MORN3: variants seen among roughly 807,000 people sequenced by gnomAD.
The protein encoded by MORN3 is MORN repeat-containing protein 3.
Under a neutral mutation model 34.7 loss-of-function variants are expected in MORN3, and 38 were observed. That is an observed-to-expected ratio of 1.10 (90% CI 0.85 to 1.44). The LOEUF (loss-of-function observed/expected upper bound fraction) is 1.44, where lower values mean the gene tolerates loss of function less well. Ranked by LOEUF, MORN3 falls within the 40% of genes most tolerant of loss-of-function variation. The pLI is 0.00. For synonymous variants in MORN3, 109 were observed against 115.3 expected, an observed-to-expected ratio of 0.95 and a Z score of 0.35; for missense variants, 311 against 321.7, an observed-to-expected ratio of 0.97 and a Z score of 0.25.
At chr12:121,660,867 C>G (rs1187562791) in intron 1 of MORN3, among the ~76,000 whole-genome samples, 1 of 151,958 alleles carries the variant, frequency 6.6e-6, no homozygotes, top group Non-Finnish European at 1.5e-5. Context: ...GGGGGTCTCT[C>G]CATGTTGGTC....
At chr12:121,663,777 T>C (rs1393369221) in intron 1 of MORN3, among the ~76,000 whole-genome samples, 1 of 151,822 alleles carries the variant, frequency 6.6e-6, no homozygotes, top group Non-Finnish European at 1.5e-5. Context: ...ATTTTTTTTT[T>C]CCTCTCTCAA....
At chr12:121,656,406 C>T (rs1325506663) in intron 2 of MORN3, among the ~76,000 whole-genome samples, 2 of 152,154 alleles carry the variant, frequency 1.3e-5, no homozygotes, top group African/African-American at 4.8e-5. Context: ...TCACTATAAC[C>T]TCAGCCTCCT....
chr12:121,652,809 C>A lies in MORN3; in HGVS notation c.649-1G>T. The A allele has an allele frequency of 6.2e-7, 1 of 1,614,218 alleles. No individual in the cohort carries two copies. Among genetic ancestry groups the A allele is most frequent in the Non-Finnish European group, 8.5e-7 (1 of 1,180,036 alleles). On this transcript the variant is annotated splice_acceptor_variant, in intron 4 of 5. Coordinates refer to ENST00000355329, the MANE Select transcript of MORN3 (RefSeq NM_173855.5). LOFTEE classifies it high-confidence loss of function. ...CACCATCAGGGTCTAGGATTTTGAC[C>A]TGGAGGGAAATACCAAGAAGTTGGT...
chr12:121,662,062 T>C (rs887344672), intron 1 of MORN3, among the ~76,000 whole-genome samples: 1 of 151,896 alleles, frequency 6.6e-6, no homozygotes, highest in African/African-American at 2.4e-5. Context: ...ATCTAAAAAG[T>C]CAAACTCATA....
intron 2 of MORN3, among the ~76,000 whole-genome samples, chr12:121,657,799 G>A (rs1285175076): frequency 2.0e-5 from 3 of 150,674 alleles, no homozygotes; most frequent in Non-Finnish European, 3.0e-5. Flanking sequence ...CCCAGGAGGC[G>A]GAGGTTGCGG....
chr12:121,657,766 C>A (rs1481005976), intron 2 of MORN3, among the ~76,000 whole-genome samples: 7 of 152,022 alleles, frequency 4.6e-5, no homozygotes, highest in African/African-American at 1.5e-4. Flanking sequence ...ACTCGGGAGA[C>A]TGAGGCAGGA....
At chr12:121,657,834 T>A (rs1555325837) in intron 2 of MORN3, among the ~76,000 whole-genome samples, 1 of 151,934 alleles carries the variant, frequency 6.6e-6, no homozygotes, top group African/African-American at 2.4e-5. Context: ...ACCATTGCAC[T>A]CCAGCGTGGC....
chr12:121,664,549 G>A (rs991936117), intron 1 of MORN3, among the ~76,000 whole-genome samples: 1 of 152,104 alleles, frequency 6.6e-6, no homozygotes, highest in African/African-American at 2.4e-5. Context: ...ACTTGAGGTC[G>A]GGAGTTCGAG....
Position 121,649,789 on chromosome 12 carries a change from A to T in MORN3, c.*1862T>A, listed in dbSNP as rs574840373. ...AATGGCGCAATCTCGGCTCACTGCAACCTCTGCCACCCAGGTTCAAGCAAT... is the reference window on the plus strand; with the variant it reads ...AATGGCGCAATCTCGGCTCACTGCATCCTCTGCCACCCAGGTTCAAGCAAT... On this transcript the variant is annotated 3_prime_UTR_variant, in exon 6 of 6. Coordinates refer to ENST00000355329, the MANE Select transcript of MORN3 (RefSeq NM_173855.5). 1.4e-5 allele frequency: 2 copies of T among 147,824 alleles called. No individual in the cohort carries two copies. Among genetic ancestry groups the T allele is most frequent in the Admixed American group, 1.4e-4 (2 of 14,740 alleles). 9.2% of individuals were successfully genotyped at this position (147,824 alleles called of 1,614,324 possible). A position where few individuals can be genotyped will look rare whatever the true frequency, so the allele number is the denominator to read the frequency against.
At position 121,649,532 on chromosome 12, in the gene MORN3, A is replaced by G. The variant is rs1893201991; in HGVS notation, c.*2119T>C. On this transcript the variant is annotated 3_prime_UTR_variant, in exon 6 of 6. Transcript: ENST00000355329. ...CTAGGGTGGCCAGGCGGGGCTTCCC[A>G]GTGCCAGAGGTACAGACTGAGAACC... 6.6e-6 allele frequency: 1 copy of G among 152,066 alleles called. No individual in the cohort carries two copies. The highest frequency in any genetic ancestry group is 2.4e-5 in the African/African-American group (1 of 41,402). 9.4% of individuals were successfully genotyped at this position (152,066 alleles called of 1,614,324 possible).
intron 1 of MORN3, among the ~76,000 whole-genome samples, chr12:121,662,744 G>GA (rs538350611): frequency 0.068 from 8,159 of 120,528 alleles, 335 homozygotes; most frequent in African/African-American, 0.13. Flanking sequence ...GAGTGAGACT[G>GA]AAAAAAAAAA....
At chr12:121,653,578 C>T (rs1288259004) in intron 3 of MORN3, among the ~76,000 whole-genome samples, 2 of 152,148 alleles carry the variant, frequency 1.3e-5, no homozygotes, top group African/African-American at 2.4e-5. Context: ...GCACTCCAGC[C>T]TGAGTGACAA....
intron 1 of MORN3, among the ~76,000 whole-genome samples, chr12:121,665,337 C>CTGGAGTG (rs1364443207): frequency 3.6e-5 from 4 of 111,494 alleles, no homozygotes; most frequent in African/African-American, 1.4e-4. Flanking sequence ...GTCGCCCAGG[C>CTGGAGTG]TGGAGTGCAC....
chr12:121,659,129 A>G (rs1320032983), intron 2 of MORN3, 62 bp downstream of exon 2: 1 of 1,495,492 alleles, frequency 6.7e-7, no homozygotes, highest in Non-Finnish European at 9.0e-7. Flanking sequence ...CCCTAAACAC[A>G]CACGCGCGCA....
At chr12:121,661,673 T>C (rs55943805) in intron 1 of MORN3, among the ~76,000 whole-genome samples, 5,081 of 152,100 alleles carry the variant, frequency 0.033, 222 homozygotes, top group East Asian at 0.11. Context: ...GTCAGGAGTT[T>C]GAGACCAGCC....
At chr12:121,670,564 T>C (rs1197618490), upstream of MORN3, among the ~76,000 whole-genome samples, 1 of 151,866 alleles carries the variant, frequency 6.6e-6, no homozygotes, top group Non-Finnish European at 1.5e-5. Flanking sequence ...ATCCCAGCAC[T>C]TTGGGAGGCC....
chr12:121,665,787 AGAC>A, intron 1 of MORN3, among the ~76,000 whole-genome samples: 1 of 150,010 alleles, frequency 6.7e-6, no homozygotes, highest in South Asian at 2.1e-4. Flanking sequence ...AAAAAAAAAA[AGAC>A]CTGGCATTTT....
rs781836944 is a variant in MORN3 at position 121,654,408 on chromosome 12, G to A, written c.329C>T (p.Pro110Leu). 1 of 1,596,900 alleles carries A rather than the reference G, an allele frequency of 6.3e-7. No individual in the cohort carries two copies. Among genetic ancestry groups the A allele is most frequent in the African/African-American group, 1.3e-5 (1 of 74,638 alleles). The stretch of plus-strand genomic sequence containing the variant: ...CCAGTCACCCTCATAATACTCCTTG[G>A]GTCCGAAAAACTGGATCCCATAACC... ...KSGYGIQFFG[P>L]KEYYEGDWCG... Residue 110 changes from proline (P) to leucine (L), a missense_variant, in exon 3 of 6, where the codon CCC becomes CTC. Transcript: ENST00000355329.
chr12:121,670,030 C>T (rs1438016238), upstream of MORN3, among the ~76,000 whole-genome samples: 1 of 151,532 alleles, frequency 6.6e-6, no homozygotes, highest in Non-Finnish European at 1.5e-5. Flanking sequence ...CCCACCACCA[C>T]GCCTGGCTAA....
Sources: gnomAD v4.1 joint callset for allele counts (sites outside exome capture counted in the v4.1 genomes callset) on GRCh38, gnomAD v4.1.1 for gene constraint, MANE v1.5 for transcripts, NCBI Gene and HGNC (gene_info 2026-07-23, HGNC 2026-07-21) for gene names.